Variants in FUT9 observed in about 807,000 individuals in gnomAD.
The protein encoded by FUT9 is 4-galactosyl-N-acetylglucosaminide 3-alpha-L-fucosyltransferase 9.
Under a neutral mutation model 29.7 loss-of-function variants are expected in FUT9, and 15 were observed. The ratio of observed to expected loss-of-function variants is 0.51; its 90% CI spans 0.34 to 0.78. FUT9 has a LOEUF of 0.78. Ranked by LOEUF, FUT9 falls within the 30% of genes least tolerant of loss-of-function variation. The probability of loss-of-function intolerance (pLI) is 0.01; values close to 1 mark genes in which losing one functional copy is unlikely to be tolerated. For synonymous variants in FUT9, 169 were observed against 153.7 expected (o/e 1.10, Z -0.74); for missense variants, 319 against 425.4 (o/e 0.75, Z 2.20).
At chr6:96,143,004 T>A (rs1270666533) in intron 2 of FUT9, among the ~76,000 whole-genome samples, 6 of 152,166 alleles carry the variant, frequency 3.9e-5, no homozygotes, top group Non-Finnish European at 8.8e-5. Context: ...AGGTAGATAT[T>A]TTGTCTACAT....
intron 1 of FUT9, among the ~76,000 whole-genome samples, chr6:96,086,910 A>T (rs1419176290): frequency 6.6e-6 from 1 of 152,196 alleles, no homozygotes; most frequent in Non-Finnish European, 1.5e-5. Context: ...GCTGTCACAG[A>T]GAATAGGTTT....
At chr6:96,083,047 C>CTA (rs1206504486) in intron 1 of FUT9, among the ~76,000 whole-genome samples, 3 of 151,942 alleles carry the variant, frequency 2.0e-5, no homozygotes, top group Non-Finnish European at 4.4e-5. Context: ...TTTTGTCTCC[C>CTA]TATAGTCCAT....
At chr6:96,154,819 A>G (rs1168017901) in intron 2 of FUT9, among the ~76,000 whole-genome samples, 1 of 152,234 alleles carries the variant, frequency 6.6e-6, no homozygotes, top group Non-Finnish European at 1.5e-5. Flanking sequence ...AAAGTATTTC[A>G]TGTGAACACT....
At chr6:96,099,410 A>G (rs1771550688) in intron 1 of FUT9, among the ~76,000 whole-genome samples, 1 of 152,118 alleles carries the variant, frequency 6.6e-6, no homozygotes, top group South Asian at 2.1e-4. Flanking sequence ...TGTACATGCT[A>G]TTATGATTAT....
At chr6:96,145,629 G>C (rs1772552453) in intron 2 of FUT9, among the ~76,000 whole-genome samples, 1 of 152,138 alleles carries the variant, frequency 6.6e-6, no homozygotes, top group Admixed American at 6.6e-5. Context: ...CCTCATTGTG[G>C]AAACTTGAGT....
At chr6:96,163,808 G>C (rs527468300) in intron 2 of FUT9, among the ~76,000 whole-genome samples, 5 of 152,292 alleles carry the variant, frequency 3.3e-5, no homozygotes, top group African/African-American at 9.6e-5. Context: ...ACAGGCACAA[G>C]CCACTGTGCC....
rs900479552 is a variant in FUT9, at chr6:96,073,232, C to A, written c.-97-40807C>A. Among the ~76,000 whole-genome samples the A allele has an allele frequency of 7.9e-5, 12 of 152,054 alleles. 1 individual carries two copies. The highest frequency in any genetic ancestry group is 2.9e-4 in the African/African-American group (12 of 41,406). On this transcript the variant is annotated intron_variant, in intron 1 of 2. Transcript: ENST00000302103. ...TTGGGGGGCCAAGACAGGTGGATCA[C>A]AAGGTCAGGTGTTTGAGACCAGCCT...
At chr6:96,038,996 C>T (rs746022660) in intron 1 of FUT9, among the ~76,000 whole-genome samples, 6 of 152,138 alleles carry the variant, frequency 3.9e-5, no homozygotes, top group Non-Finnish European at 7.4e-5. Flanking sequence ...AATCAAGCCT[C>T]CCCTCAATGC....
At chr6:96,136,973 G>A (rs1011085650) in intron 2 of FUT9, among the ~76,000 whole-genome samples, 4 of 151,850 alleles carry the variant, frequency 2.6e-5, no homozygotes, top group Admixed American at 1.3e-4. Flanking sequence ...AATAGGATAC[G>A]AGAAAATGGA....
Position 96,207,230 on chromosome 6 carries a change from T to TACAC in FUT9, c.*3012_*3015dup, listed in dbSNP as rs34744508. The TACAC allele has an allele frequency of 5.1e-5, 8 of 156,260 alleles. No individual in the cohort carries two copies. The highest frequency in any genetic ancestry group is 2.0e-4 in the African/African-American group (8 of 40,794). The allele number at this position is 156,260 out of a possible 1,614,324, so 9.7% of individuals were successfully genotyped here. On this transcript the variant is annotated 3_prime_UTR_variant, in exon 3 of 3. Coordinates refer to ENST00000302103, the MANE Select transcript of FUT9 (RefSeq NM_006581.4). ...TTCAAGACACACATTCACACACACATACACACACACACACACACACCCCAC... is the reference window on the plus strand; with the variant it reads ...TTCAAGACACACATTCACACACACATACACACACACACACACACACACACCCCAC...
At chr6:96,063,413 G>C (rs962708208) in intron 1 of FUT9, among the ~76,000 whole-genome samples, 2 of 152,072 alleles carry the variant, frequency 1.3e-5, no homozygotes, top group Non-Finnish European at 2.9e-5. Flanking sequence ...AGGAACAAGG[G>C]AGAGAGTATG....
At chr6:96,068,158 T>C (rs1221613037) in intron 1 of FUT9, among the ~76,000 whole-genome samples, 2 of 152,080 alleles carry the variant, frequency 1.3e-5, no homozygotes, top group African/African-American at 4.8e-5. Flanking sequence ...AATGCAGTTC[T>C]GGAAAGAGGG....
In FUT9 at chr6:96,018,070, T is replaced by G. The variant is rs544747490; in HGVS notation, c.-98+1858T>G. On this transcript the variant is annotated intron_variant, in intron 1 of 2. Transcript: ENST00000302103. Reference sequence around the variant, plus strand: ...AGGGGTGGTTTTAAGTAAATGTGGATAGCCGCATTAAAAGTCAAGAGGGGC... The same window carrying G: ...AGGGGTGGTTTTAAGTAAATGTGGAGAGCCGCATTAAAAGTCAAGAGGGGC... Among the ~76,000 whole-genome samples the G allele has an allele frequency of 5.3e-5, 8 of 152,318 alleles. No homozygotes were observed. The South Asian group carries it at 8.3e-4, about 16-fold the overall frequency.
intron 1 of FUT9, among the ~76,000 whole-genome samples, chr6:96,034,030 A>C (rs1582182874): frequency 6.6e-6 from 1 of 151,660 alleles, no homozygotes; most frequent in Non-Finnish European, 1.5e-5. Flanking sequence ...CCATAGGACA[A>C]ACAAGAAGAC....
chr6:96,078,891 A>G (rs376642967), intron 1 of FUT9, among the ~76,000 whole-genome samples: 53 of 152,260 alleles, frequency 3.5e-4, no homozygotes, highest in African/African-American at 1.3e-3. Context: ...GGAGACATCA[A>G]TATTTAGGCT....
At chr6:96,042,119 G>C (rs1413992757) in intron 1 of FUT9, among the ~76,000 whole-genome samples, 1 of 152,118 alleles carries the variant, frequency 6.6e-6, no homozygotes, top group Non-Finnish European at 1.5e-5. Flanking sequence ...GGTTCATCCT[G>C]GTCAGGTCAG....
At chr6:96,047,357 GT>G (rs1165058056) in intron 1 of FUT9, among the ~76,000 whole-genome samples, 8 of 152,046 alleles carry the variant, frequency 5.3e-5, no homozygotes, top group Non-Finnish European at 1.2e-4. Context: ...CTGCTTCTAG[GT>G]ATACATTTAG....
At chr6:96,135,369 T>C (rs1275930062) in intron 2 of FUT9, among the ~76,000 whole-genome samples, 1 of 151,912 alleles carries the variant, frequency 6.6e-6, no homozygotes, top group African/African-American at 2.4e-5. Flanking sequence ...TCAGACAATG[T>C]CCTATTGGAA....
chr6:96,051,539 G>C (rs1273104391), intron 1 of FUT9, among the ~76,000 whole-genome samples: 1 of 151,996 alleles, frequency 6.6e-6, no homozygotes, highest in Non-Finnish European at 1.5e-5. Flanking sequence ...TGTGCTCCCA[G>C]CTACTCAAGA....
Sources: allele counts gnomAD v4.1 joint callset (sites outside exome capture counted in the v4.1 genomes callset), GRCh38; gene constraint gnomAD v4.1.1; transcripts MANE v1.5; gene names NCBI Gene and HGNC (gene_info 2026-07-23, HGNC 2026-07-21).